NFATC3: variants seen among roughly 807,000 people sequenced by gnomAD.
NFATC3 encodes nuclear factor of activated T cells 3.
NFATC3 carries 46 observed loss-of-function variants against 98.6 expected under a neutral mutation model. The ratio of observed to expected loss-of-function variants is 0.47; its 90% CI spans 0.37 to 0.60. The LOEUF is 0.60. NFATC3 is among the 20% of genes least tolerant of loss of function. NFATC3 has a pLI of 0.00. For synonymous variants in NFATC3, 512 were observed against 472.2 expected (o/e 1.08, Z -1.09); for missense variants, 1,256 against 1,295.5 (o/e 0.97, Z 0.47).
chr16:68,187,755 A>T (rs2040264854), intron 8 of NFATC3, among the ~76,000 whole-genome samples: 1 of 151,980 alleles, frequency 6.6e-6, no homozygotes, highest in Non-Finnish European at 1.5e-5. Context: ...TTCAGAGGAG[A>T]GAAAGTGCAT....
At chr16:68,086,609 A>G (rs371492542) in intron 1 of NFATC3, 3 of 983,804 alleles carry the variant, frequency 3.0e-6, no homozygotes, top group East Asian at 1.1e-4. Context: ...ACTGTGGTTC[A>G]TTAAGTTCAG....
At position 68,098,294 on chromosome 16, in the gene NFATC3, A is replaced by ATTTT. The variant is rs1376071084; in HGVS notation, c.103+12512_103+12513insTTTT. On this transcript the variant is annotated intron_variant, in intron 1 of 9. Coordinates refer to ENST00000346183, the MANE Select transcript of NFATC3 (RefSeq NM_173165.3). ...GTCTATTATTATTATTATTATTATT[A>ATTTT]TTATTATTTTTTTTTTTTTTTTTTT... Among the ~76,000 whole-genome samples, 62 of 104,400 alleles carry ATTTT rather than the reference A, an allele frequency of 5.9e-4. 1 individual carries two copies. The highest frequency in any genetic ancestry group is 2.0e-3 in the African/African-American group (45 of 22,696). 68.5% of individuals were successfully genotyped at this position (104,400 alleles called of 152,430 possible). A position where few individuals can be genotyped will look rare whatever the true frequency, so the allele number is the denominator to read the frequency against.
At chr16:68,201,556 C>A (rs2151135948) in intron 9 of NFATC3, among the ~76,000 whole-genome samples, 1 of 151,572 alleles carries the variant, frequency 6.6e-6, no homozygotes, top group East Asian at 2.0e-4. Context: ...CAGGCGTGAG[C>A]CACTGTGCCC....
chr16:68,188,347 C>G (rs571392958), intron 8 of NFATC3, among the ~76,000 whole-genome samples: 5 of 152,170 alleles, frequency 3.3e-5, no homozygotes, highest in African/African-American at 4.8e-5. Context: ...CCTCTCCCCC[C>G]GCCAAGAGCG....
intron 1 of NFATC3, among the ~76,000 whole-genome samples, chr16:68,096,136 A>C (rs910962828): frequency 6.6e-6 from 1 of 151,888 alleles, no homozygotes. Context: ...AATTTTTAAA[A>C]ATTGTTTTTG....
At position 68,122,180 on chromosome 16, in the gene NFATC3, A is replaced by G. The variant is rs2036613592; in HGVS notation, c.297A>G (p.Pro99=). The G allele has an allele frequency of 6.2e-7, 1 of 1,614,054 alleles. No homozygotes were observed. Among genetic ancestry groups the G allele is most frequent in the South Asian group, 1.1e-5 (1 of 91,086 alleles). ...AGATTCCTGAATCTAAATATAGCCC[A>G]TTAGGTGGTCCCAAACCCTTTGAGT... ...TCEIPESKYS[P]LGGPKPFECP... Residue 99 remains proline, a synonymous_variant, in exon 2 of 10, where the codon CCA becomes CCG. Coordinates refer to ENST00000346183, the MANE Select transcript of NFATC3 (RefSeq NM_173165.3).
chr16:68,153,834 C>T (rs1598457092), intron 3 of NFATC3, among the ~76,000 whole-genome samples: 2 of 151,966 alleles, frequency 1.3e-5, no homozygotes, highest in Admixed American at 6.6e-5. Context: ...AGGATGGTCT[C>T]GATCTCCTGA....
chr16:68,159,665 C>T (rs916302902), intron 4 of NFATC3, among the ~76,000 whole-genome samples: 8 of 151,628 alleles, frequency 5.3e-5, no homozygotes, highest in South Asian at 2.1e-4. Flanking sequence ...CCTCGTGATC[C>T]ACCCACCTCG....
chr16:68,178,740 A>G (rs1598516503), intron 6 of NFATC3, among the ~76,000 whole-genome samples: 1 of 152,190 alleles, frequency 6.6e-6, no homozygotes. Context: ...CTTCCTTTCC[A>G]CTGTAAAAAT....
At chr16:68,182,656 G>A (rs983928085) in intron 7 of NFATC3, among the ~76,000 whole-genome samples, 3 of 151,884 alleles carry the variant, frequency 2.0e-5, no homozygotes, top group African/African-American at 7.3e-5. Context: ...GAGTAGCTGG[G>A]ACTACAGGCG....
At chr16:68,094,016 G>C (rs1445416204) in intron 1 of NFATC3, among the ~76,000 whole-genome samples, 3 of 152,178 alleles carry the variant, frequency 2.0e-5, no homozygotes, top group African/African-American at 7.2e-5. Context: ...ATTCCTGCCT[G>C]CTCTAGGAAA....
At chr16:68,134,704 G>A (rs1409927858) in intron 3 of NFATC3, among the ~76,000 whole-genome samples, 1 of 152,078 alleles carries the variant, frequency 6.6e-6, no homozygotes, top group East Asian at 1.9e-4. Context: ...TTTGTTTTGG[G>A]GTTTTTTTGG....
At chr16:68,117,010 G>A (rs1394474525) in intron 1 of NFATC3, among the ~76,000 whole-genome samples, 3 of 151,980 alleles carry the variant, frequency 2.0e-5, no homozygotes, top group Non-Finnish European at 4.4e-5. Flanking sequence ...CCTTTTCTTT[G>A]CAGCCATCTT....
At chr16:68,089,195 A>G (rs2034566313) in intron 1 of NFATC3, 1 of 985,424 alleles carries the variant, frequency 1.0e-6, no homozygotes, top group Non-Finnish European at 1.2e-6. Context: ...TTTTTGAAAA[A>G]TAGTGAGGTA....
intron 3 of NFATC3, among the ~76,000 whole-genome samples, chr16:68,127,609 A>T (rs2036905011): frequency 1.3e-5 from 2 of 151,422 alleles, no homozygotes; most frequent in Admixed American, 1.3e-4. Flanking sequence ...GATCAATTGA[A>T]CCTGGGAGGT....
chr16:68,228,259 T>C lies in NFATC3; in HGVS notation c.*1788T>C, dbSNP rs2042074197. 1 of 152,126 alleles carries C rather than the reference T, an allele frequency of 6.6e-6. No homozygotes were observed. The highest frequency in any genetic ancestry group is 6.5e-5 in the Admixed American group (1 of 15,282). The allele number at this position is 152,126 out of a possible 1,614,324, so 9.4% of individuals were successfully genotyped here. A position where few individuals can be genotyped will look rare whatever the true frequency, so the allele number is the denominator to read the frequency against. On this transcript the variant is annotated 3_prime_UTR_variant, in exon 10 of 10. Coordinates refer to ENST00000346183, the MANE Select transcript of NFATC3 (RefSeq NM_173165.3). ...TTTTCAAATTTTCTTGAAAAGTGAGTTGTGTCACAGAATGTGGATAGTGAG... is the reference window on the plus strand; with the variant it reads ...TTTTCAAATTTTCTTGAAAAGTGAGCTGTGTCACAGAATGTGGATAGTGAG...
intron 4 of NFATC3, among the ~76,000 whole-genome samples, chr16:68,162,317 C>T (rs1339276709): frequency 6.6e-6 from 1 of 152,146 alleles, no homozygotes; most frequent in Non-Finnish European, 1.5e-5. Flanking sequence ...TAGCTAATTG[C>T]TAGGATAAAC....
chr16:68,107,326 A>G (rs904710541), intron 1 of NFATC3, among the ~76,000 whole-genome samples: 3 of 152,208 alleles, frequency 2.0e-5, no homozygotes, highest in Non-Finnish European at 4.4e-5. Flanking sequence ...TAATTGCTAC[A>G]CTGTCTTCCA....
chr16:68,214,517 G>C (rs1370779733), intron 9 of NFATC3: 1 of 1,168,412 alleles, frequency 8.6e-7, no homozygotes. Flanking sequence ...GTGCTACAGA[G>C]GAGGGGGTAT....
Sources: allele counts gnomAD v4.1 joint callset (sites outside exome capture counted in the v4.1 genomes callset), GRCh38; gene constraint gnomAD v4.1.1; transcripts MANE v1.5; gene names NCBI Gene and HGNC (gene_info 2026-07-23, HGNC 2026-07-21).